Variants in UHRF2 observed in about 807,000 individuals in gnomAD.
UHRF2 encodes the protein E3 ubiquitin-protein ligase UHRF2.
A neutral mutation model predicts 96.8 loss-of-function variants in UHRF2; 23 were observed. That is an observed-to-expected ratio of 0.24 (90% CI 0.17 to 0.34). The LOEUF (loss-of-function observed/expected upper bound fraction) is 0.34. UHRF2 is among the 10% of genes least tolerant of loss of function. The probability of loss-of-function intolerance (pLI) is 1.00; values close to 1 mark genes in which losing one functional copy is unlikely to be tolerated. For missense variants in UHRF2, 685 were observed against 981.5 expected, an observed-to-expected ratio of 0.70 and a Z score of 4.04; for synonymous variants, 385 against 332.6, an observed-to-expected ratio of 1.16 and a Z score of -1.72.
intron 4 of UHRF2, chr9:6,468,249 C>G: frequency 2.8e-6 from 1 of 352,776 alleles, no homozygotes; most frequent in Non-Finnish European, 5.6e-6. Context: ...CTTGATAAGC[C>G]TTTAACAAAA....
rs769704070 is a variant in UHRF2, at chr9:6,504,585, T to G, written c.2164-8T>G. On this transcript the variant is annotated splice_polypyrimidine_tract_variant and splice_region_variant and intron_variant, in intron 14 of 15. Transcript: ENST00000276893. ...CTTTTCTTTCCTTATCCTTGGATAC[T>G]GTTCTAGAATTTTCTGAAAAAATTG... is the stretch of plus-strand genomic sequence containing the variant. 16 of 1,607,238 alleles carry G rather than the reference T, an allele frequency of 1.0e-5. No homozygotes were observed. The Middle Eastern group carries it at 1.3e-3, about 132-fold the overall frequency.
At chr9:6,461,636 T>C (rs563964439) in intron 4 of UHRF2, among the ~76,000 whole-genome samples, 5 of 151,964 alleles carry the variant, frequency 3.3e-5, no homozygotes, top group Admixed American at 6.6e-5. Flanking sequence ...CCTCCCAAAG[T>C]GTTGGGATTA....
intron 8 of UHRF2, among the ~76,000 whole-genome samples, chr9:6,485,258 TA>T (rs1361277752): frequency 6.6e-6 from 1 of 152,230 alleles, no homozygotes; most frequent in Non-Finnish European, 1.5e-5. Context: ...ATAAATTGAA[TA>T]TACTACTATA....
intron 8 of UHRF2, among the ~76,000 whole-genome samples, chr9:6,483,388 A>C (rs1172259551): frequency 6.6e-6 from 1 of 151,838 alleles, no homozygotes; most frequent in East Asian, 1.9e-4. Context: ...TAACCTATGC[A>C]CATCCTCCTT....
chr9:6,461,672 T>A (rs1255407756), intron 4 of UHRF2, among the ~76,000 whole-genome samples: 1 of 151,786 alleles, frequency 6.6e-6, no homozygotes, highest in African/African-American at 2.4e-5. Context: ...GCGCCCAGCT[T>A]TCTATCATTA....
chr9:6,427,473 G>T (rs1307225890), intron 2 of UHRF2, among the ~76,000 whole-genome samples: 1 of 152,108 alleles, frequency 6.6e-6, no homozygotes, highest in Non-Finnish European at 1.5e-5. Flanking sequence ...GAGCACCTGA[G>T]GTCAGGCTTT....
intron 12 of UHRF2, chr9:6,498,382 G>A (rs1324815711): frequency 2.6e-6 from 1 of 389,708 alleles, no homozygotes; most frequent in African/African-American, 2.1e-5. Flanking sequence ...AGTTGGACCT[G>A]TTAATTAAAA....
intron 2 of UHRF2, among the ~76,000 whole-genome samples, chr9:6,427,712 A>G (rs879733286): frequency 2.0e-5 from 3 of 152,268 alleles, no homozygotes; most frequent in Admixed American, 2.0e-4. Flanking sequence ...ATCTGAAGTT[A>G]TTTATTGCTC....
chr9:6,433,304 G>T (rs1903419), intron 2 of UHRF2, among the ~76,000 whole-genome samples: 3 of 151,998 alleles, frequency 2.0e-5, no homozygotes, highest in Non-Finnish European at 4.4e-5. Flanking sequence ...TGTGTCTTAC[G>T]CCCTGTTCAT....
At position 6,502,294 on chromosome 9, in the gene UHRF2, C is replaced by G. The variant is rs147106460; in HGVS notation, c.2163+1585C>G. Among the ~76,000 whole-genome samples, 966 of 152,246 alleles carry G rather than the reference C, an allele frequency of 6.3e-3. 6 individuals are homozygous for G. The highest frequency in any genetic ancestry group is 0.022 in the African/African-American group (908 of 41,538). On this transcript the variant is annotated intron_variant, in intron 14 of 15. Coordinates refer to ENST00000276893, the MANE Select transcript of UHRF2 (RefSeq NM_152896.3). ...GGTCACTGTTTTATTTAAACATGCT[C>G]GACGTCTTGATACCCCTGGGCCTTT...
chr9:6,491,901 T>C (rs776047160), intron 9 of UHRF2, among the ~76,000 whole-genome samples: 39 of 152,274 alleles, frequency 2.6e-4, no homozygotes, highest in Middle Eastern at 3.4e-3. Context: ...AAATATTTTA[T>C]TTTTATTTTT....
chr9:6,475,588 A>G, intron 5 of UHRF2, 88 bp downstream of exon 5: 1 of 614,194 alleles, frequency 1.6e-6, no homozygotes, highest in Non-Finnish European at 2.6e-6. Flanking sequence ...CTTGGAAGGA[A>G]GTATAAAACT....
chr9:6,420,345 G>T (rs936247301), intron 1 of UHRF2, among the ~76,000 whole-genome samples: 4 of 147,384 alleles, frequency 2.7e-5, no homozygotes, highest in Admixed American at 2.7e-4. Context: ...GTGAGCCACC[G>T]CGCCCGGCCC....
intron 8 of UHRF2, among the ~76,000 whole-genome samples, chr9:6,482,741 C>T (rs1050648321): frequency 1.2e-4 from 18 of 151,904 alleles, no homozygotes; most frequent in African/African-American, 4.4e-4. Flanking sequence ...GGACTACAGG[C>T]GCCTGCCACC....
intron 4 of UHRF2, among the ~76,000 whole-genome samples, chr9:6,461,700 T>C (rs2130850625): frequency 6.6e-6 from 1 of 152,104 alleles, no homozygotes; most frequent in South Asian, 2.1e-4. Context: ...AAGAAATACT[T>C]TCAGATGTTT....
intron 3 of UHRF2, among the ~76,000 whole-genome samples, chr9:6,439,004 T>C (rs528376571): frequency 2.0e-5 from 3 of 152,332 alleles, no homozygotes; most frequent in African/African-American, 7.2e-5. Context: ...TTCTAAAATA[T>C]AACTGAAATA....
intron 1 of UHRF2, among the ~76,000 whole-genome samples, chr9:6,418,365 T>C (rs2130711777): frequency 6.6e-6 from 1 of 151,882 alleles, no homozygotes; most frequent in South Asian, 2.1e-4. Flanking sequence ...TTATTTAGAG[T>C]AAGCATGGTA....
chr9:6,454,237 A>G (rs775958090), intron 3 of UHRF2, among the ~76,000 whole-genome samples: 4 of 152,224 alleles, frequency 2.6e-5, no homozygotes, highest in Non-Finnish European at 4.4e-5. Flanking sequence ...TAAATTGGGA[A>G]TCTAAACCTA....
chr9:6,494,097 A>G (rs901750919), intron 10 of UHRF2, 165 bp downstream of exon 10: 9 of 590,502 alleles, frequency 1.5e-5, no homozygotes, highest in African/African-American at 7.5e-5. Context: ...GCATCCTAAC[A>G]TATCTTTATA....
Sources: allele counts gnomAD v4.1 joint callset (sites outside exome capture counted in the v4.1 genomes callset), GRCh38; gene constraint gnomAD v4.1.1; transcripts MANE v1.5; gene names NCBI Gene and HGNC (gene_info 2026-07-23, HGNC 2026-07-21).